The following CEP128 variants were observed in gnomAD, a reference collection of about 807,000 sequenced individuals.
The protein encoded by CEP128 is centrosomal protein 128, also known as centrosomal protein 128kDa.
Under a neutral mutation model 156.7 loss-of-function variants are expected in CEP128, and 132 were observed. That is an observed-to-expected ratio of 0.84 (90% CI 0.73 to 0.97). CEP128 has a LOEUF of 0.97. CEP128 is among the 50% of genes least tolerant of loss of function. The pLI, the probability that CEP128 is intolerant of heterozygous loss-of-function variation, is 0.00. For missense variants in CEP128, 1,252 were observed against 1,281.9 expected (o/e 0.98, Z 0.36); for synonymous variants, 469 against 448.9 (o/e 1.04, Z -0.57).
At chr14:80,496,140 C>CA (rs1325557130), downstream of CEP128, among the ~76,000 whole-genome samples, 3 of 152,280 alleles carry the variant, frequency 2.0e-5, no homozygotes, top group Middle Eastern at 3.4e-3. Context: ...TGATGCCAAA[C>CA]AAACTTTGCG....
intron 19 of CEP128, among the ~76,000 whole-genome samples, chr14:80,640,769 C>T (rs1894371765): frequency 6.6e-6 from 1 of 152,142 alleles, no homozygotes; most frequent in South Asian, 2.1e-4. Context: ...CAAAAGAAAC[C>T]ACCCTTTTGC....
At chr14:80,548,376 T>G (rs75191394) in intron 21 of CEP128, among the ~76,000 whole-genome samples, 1 of 152,068 alleles carries the variant, frequency 6.6e-6, no homozygotes, top group Non-Finnish European at 1.5e-5. Flanking sequence ...TCCATATTAG[T>G]TTTTCATTAA....
intron 22 of CEP128, among the ~76,000 whole-genome samples, chr14:80,530,569 C>G (rs980445962): frequency 2.0e-5 from 3 of 152,170 alleles, no homozygotes; most frequent in Non-Finnish European, 4.4e-5. Flanking sequence ...AGGGGCCCAA[C>G]TGAGCTTCTA....
At chr14:80,610,519 T>C (rs1169938845) in intron 19 of CEP128, among the ~76,000 whole-genome samples, 2 of 152,248 alleles carry the variant, frequency 1.3e-5, no homozygotes, top group East Asian at 3.9e-4. Context: ...AAACCTTTGG[T>C]TTAACAATCA....
At chr14:80,506,131 T>C (rs1345067299) in intron 23 of CEP128, among the ~76,000 whole-genome samples, 3 of 151,914 alleles carry the variant, frequency 2.0e-5, no homozygotes, top group South Asian at 2.1e-4. Context: ...CGAAAATGTA[T>C]TGGTGGGGCA....
chr14:80,593,194 G>A (rs1007124711), intron 19 of CEP128, among the ~76,000 whole-genome samples: 6 of 152,046 alleles, frequency 3.9e-5, no homozygotes, highest in Non-Finnish European at 8.8e-5. Context: ...TATTCAAACA[G>A]GAAGAGAGGA....
At chr14:80,596,404 G>C (rs1407462794) in intron 19 of CEP128, among the ~76,000 whole-genome samples, 3 of 151,984 alleles carry the variant, frequency 2.0e-5, no homozygotes, top group African/African-American at 7.2e-5. Flanking sequence ...ATATGTAGAA[G>C]CATAAATATA....
chr14:80,599,656 A>G (rs1364450498), intron 19 of CEP128, among the ~76,000 whole-genome samples: 1 of 152,096 alleles, frequency 6.6e-6, no homozygotes, highest in Non-Finnish European at 1.5e-5. Flanking sequence ...TACTACTTTA[A>G]AAAAGAAAGA....
chr14:80,568,281 G>A (rs531736396), intron 20 of CEP128, among the ~76,000 whole-genome samples: 28 of 152,198 alleles, frequency 1.8e-4, no homozygotes, highest in Admixed American at 7.8e-4. Flanking sequence ...TTCCTCCCAC[G>A]CCGTGTTCTC....
intron 18 of CEP128, among the ~76,000 whole-genome samples, chr14:80,743,567 T>C (rs1194194896): frequency 1.3e-5 from 2 of 152,164 alleles, no homozygotes; most frequent in Non-Finnish European, 2.9e-5. Flanking sequence ...TGATTTGATA[T>C]ACAGGGCAGT....
downstream of CEP128, among the ~76,000 whole-genome samples, chr14:80,489,010 G>C (rs1325923381): frequency 1.3e-5 from 2 of 151,034 alleles, no homozygotes; most frequent in South Asian, 4.2e-4. Context: ...GGGAGGGAAA[G>C]CATTAGGAGA....
intron 19 of CEP128, among the ~76,000 whole-genome samples, chr14:80,711,855 A>T (rs765514503): frequency 3.9e-5 from 6 of 152,046 alleles, no homozygotes; most frequent in African/African-American, 1.2e-4. Context: ...GTACCTAAAA[A>T]TTTTTTTAAA....
At chr14:80,816,858 G>A (rs1379644119) in intron 13 of CEP128, among the ~76,000 whole-genome samples, 1 of 152,086 alleles carries the variant, frequency 6.6e-6, no homozygotes, top group Non-Finnish European at 1.5e-5. Context: ...GCCCTCTTGG[G>A]AGTCTGAGAA....
At chr14:80,875,376 A>G (rs529704763) in intron 8 of CEP128, among the ~76,000 whole-genome samples, 3 of 151,812 alleles carry the variant, frequency 2.0e-5, no homozygotes, top group East Asian at 1.9e-4. Flanking sequence ...GCCTCAAATT[A>G]TCTATTCAAA....
intron 14 of CEP128, among the ~76,000 whole-genome samples, chr14:80,789,013 G>A (rs1314955184): frequency 6.6e-6 from 1 of 152,118 alleles, no homozygotes; most frequent in South Asian, 2.1e-4. Context: ...GAGGCAGGAG[G>A]TAACCATGAA....
chr14:80,720,280 T>A (rs1449526), intron 19 of CEP128, among the ~76,000 whole-genome samples: 107,523 of 152,074 alleles, frequency 0.71, 38,121 homozygotes, highest in African/African-American at 0.75. Context: ...GGGATATTGC[T>A]AATCATGGTA....
intron 19 of CEP128, among the ~76,000 whole-genome samples, chr14:80,588,461 C>T (rs1891911195): frequency 6.6e-6 from 1 of 151,996 alleles, no homozygotes; most frequent in Non-Finnish European, 1.5e-5. Context: ...GATATATTCT[C>T]TCAGGGAAGT....
intron 13 of CEP128, among the ~76,000 whole-genome samples, chr14:80,810,758 G>A (rs900139036): frequency 2.6e-5 from 4 of 152,164 alleles, no homozygotes; most frequent in Non-Finnish European, 5.9e-5. Flanking sequence ...GAACCCATCT[G>A]ATCCTGGGCT....
chr14:80,493,236 T>C (rs1887384249), downstream of CEP128, among the ~76,000 whole-genome samples: 2 of 152,174 alleles, frequency 1.3e-5, no homozygotes, highest in Admixed American at 6.6e-5. Context: ...AGAATGGCAA[T>C]TGGCAATTGT....
Sources: gnomAD v4.1 joint callset for allele counts (sites outside exome capture counted in the v4.1 genomes callset) on GRCh38, gnomAD v4.1.1 for gene constraint, MANE v1.5 for transcripts, NCBI Gene and HGNC (gene_info 2026-07-23, HGNC 2026-07-21) for gene names.